AGPS: variants seen among roughly 807,000 people sequenced by gnomAD.
AGPS encodes the protein alkylglycerone phosphate synthase.
AGPS carries 26 observed loss-of-function variants against 90.7 expected under a neutral mutation model. The observed-to-expected ratio is 0.29, with a 90% CI of 0.21 to 0.40. The LOEUF (loss-of-function observed/expected upper bound fraction) is 0.40. AGPS is among the 10% of genes least tolerant of loss of function. AGPS has a pLI of 1.00. For synonymous variants in AGPS, 294 were observed against 285.3 expected (o/e 1.03, Z -0.31); for missense variants, 540 against 816.1 (o/e 0.66, Z 4.12).
chr2:177,530,813 T>C, intron 19 of AGPS, among the ~76,000 whole-genome samples: 1 of 152,330 alleles, frequency 6.6e-6, no homozygotes, highest in South Asian at 2.1e-4. Context: ...TAAAGCCTAC[T>C]TAACTTAATC....
At chr2:177,464,866 C>T (rs1473413865) in intron 9 of AGPS, among the ~76,000 whole-genome samples, 1 of 152,130 alleles carries the variant, frequency 6.6e-6, no homozygotes, top group Non-Finnish European at 1.5e-5. Context: ...AATTCTGGAT[C>T]TTCACAAAAG....
At position 177,393,009 on chromosome 2, in the gene AGPS, A is replaced by C. The variant is rs775541152; in HGVS notation, c.220A>C (p.Thr74Pro). The C allele has an allele frequency of 1.9e-6, 3 of 1,550,102 alleles. No homozygotes were observed. Among genetic ancestry groups the C allele is most frequent in the Non-Finnish European group, 2.6e-6 (3 of 1,146,722 alleles). Residue 74 changes from threonine (T) to proline (P), a missense_variant, in exon 1 of 20, where the codon ACT becomes CCT. Coordinates refer to ENST00000264167, the MANE Select transcript of AGPS (RefSeq NM_003659.4). Reference sequence around the variant, plus strand: ...GGCGGCCACGGCAGCGCCCACGGCCACTCCCGCCGCGCAGGAGTCGGGCAC... The same window carrying C: ...GGCGGCCACGGCAGCGCCCACGGCCCCTCCCGCCGCGCAGGAGTCGGGCAC... Reference protein sequence around the residue: ...ASAATAAPTATPAAQESGTIP... With the variant: ...ASAATAAPTAPPAAQESGTIP...
At chr2:177,422,357 A>G (rs908444663) in intron 2 of AGPS, among the ~76,000 whole-genome samples, 1 of 152,138 alleles carries the variant, frequency 6.6e-6, no homozygotes, top group African/African-American at 2.4e-5. Context: ...GATGGTCTTG[A>G]TAGAGATTTT....
At chr2:177,454,769 G>A (rs549738547) in intron 8 of AGPS, among the ~76,000 whole-genome samples, 16 of 152,150 alleles carry the variant, frequency 1.1e-4, no homozygotes, top group African/African-American at 2.9e-4. Flanking sequence ...ATGATCTTTT[G>A]CTTTTTTCAG....
chr2:177,472,173 T>A (rs1459082301), intron 10 of AGPS, among the ~76,000 whole-genome samples: 1 of 151,938 alleles, frequency 6.6e-6, no homozygotes. Flanking sequence ...ATACGTATGT[T>A]TGACTTTCTT....
intron 9 of AGPS, among the ~76,000 whole-genome samples, chr2:177,462,437 C>G (rs573635840): frequency 5.4e-4 from 82 of 151,322 alleles, no homozygotes; most frequent in African/African-American, 1.9e-3. Flanking sequence ...TGGTAGATTC[C>G]CCCCTCCCAT....
chr2:177,476,271 T>C (rs552940064), intron 10 of AGPS, among the ~76,000 whole-genome samples: 26 of 152,052 alleles, frequency 1.7e-4, no homozygotes, highest in Admixed American at 9.8e-4. Context: ...AAGGTTAGGC[T>C]ATTTGAGATT....
chr2:177,479,167 A>C (rs940063372), intron 10 of AGPS, among the ~76,000 whole-genome samples: 5 of 152,096 alleles, frequency 3.3e-5, no homozygotes, highest in Admixed American at 2.6e-4. Flanking sequence ...GGGGAAGGAA[A>C]TTAGGTTATC....
intron 1 of AGPS, among the ~76,000 whole-genome samples, chr2:177,394,346 TTGTC>T (rs1685108534): frequency 6.6e-6 from 1 of 152,206 alleles, no homozygotes; most frequent in African/African-American, 2.4e-5. Context: ...AAAGTAAAGA[TTGTC>T]TGAGTAAATT....
chr2:177,447,442 G>GA (rs936256849), intron 8 of AGPS, among the ~76,000 whole-genome samples: 75 of 151,966 alleles, frequency 4.9e-4, no homozygotes, highest in African/African-American at 1.7e-3. Context: ...AGTATTTAAT[G>GA]AAAAAACCTC....
chr2:177,487,021 G>A lies in AGPS; in HGVS notation c.1233+4835G>A, dbSNP rs1161165836. On this transcript the variant is annotated intron_variant, in intron 11 of 19. Transcript: ENST00000264167. ...TACATTTCCTGCTGTAGCCTATGAA[G>A]AGGAGGAAAATAATGTTTTTTAATC... Among the ~76,000 whole-genome samples the A allele has an allele frequency of 2.0e-5, 3 of 152,078 alleles. 1 individual carries two copies. In the South Asian group the frequency reaches 6.2e-4, roughly 31 times the overall value.
At chr2:177,518,939 G>A (rs535801179) in intron 17 of AGPS, among the ~76,000 whole-genome samples, 14 of 152,144 alleles carry the variant, frequency 9.2e-5, no homozygotes, top group Admixed American at 9.2e-4. Flanking sequence ...GGCCTAGGGA[G>A]AAAGGTGAGA....
intron 1 of AGPS, among the ~76,000 whole-genome samples, chr2:177,410,916 T>C (rs930105940): frequency 2.0e-5 from 3 of 152,146 alleles, no homozygotes; most frequent in African/African-American, 7.2e-5. Flanking sequence ...ATAAGGGGCA[T>C]GGACGAGGGG....
At chr2:177,413,541 A>G (rs181392337) in intron 1 of AGPS, among the ~76,000 whole-genome samples, 9 of 152,360 alleles carry the variant, frequency 5.9e-5, no homozygotes, top group African/African-American at 9.6e-5. Flanking sequence ...GTTGGTTGCC[A>G]AAATTGCCAT....
intron 17 of AGPS, among the ~76,000 whole-genome samples, chr2:177,517,380 T>C (rs1689049884): frequency 6.6e-6 from 1 of 152,192 alleles, no homozygotes; most frequent in Non-Finnish European, 1.5e-5. Flanking sequence ...TTACTAATTA[T>C]TAATGTAAAC....
At chr2:177,409,005 C>G (rs1218975359) in intron 1 of AGPS, among the ~76,000 whole-genome samples, 14 of 152,114 alleles carry the variant, frequency 9.2e-5, no homozygotes, top group Admixed American at 9.2e-4. Context: ...TTTATACTCC[C>G]AGAAAGTTTG....
Position 177,493,145 on chromosome 2 carries a change from C to T in AGPS, c.1234-3C>T, listed in dbSNP as rs774372584. The T allele has an allele frequency of 3.7e-6, 6 of 1,610,278 alleles. No individual in the cohort carries two copies. Among genetic ancestry groups the T allele is most frequent in the South Asian group, 2.2e-5 (2 of 90,998 alleles). On this transcript the variant is annotated splice_polypyrimidine_tract_variant and splice_region_variant and intron_variant, in intron 11 of 19. Coordinates refer to ENST00000264167, the MANE Select transcript of AGPS (RefSeq NM_003659.4). The stretch of plus-strand genomic sequence containing the variant: ...ATCACTTTTTTTTTTCTTTTTAAAA[C>T]AGAGATGTGCTCCGGCATCTATTCG...
At chr2:177,421,319 A>G (rs1685933626) in intron 2 of AGPS, among the ~76,000 whole-genome samples, 1 of 152,060 alleles carries the variant, frequency 6.6e-6, no homozygotes, top group Non-Finnish European at 1.5e-5. Context: ...TCTATTGGAC[A>G]TTACTATACT....
chr2:177,488,126 G>A (rs539840778), intron 11 of AGPS, among the ~76,000 whole-genome samples: 1 of 151,938 alleles, frequency 6.6e-6, no homozygotes, highest in Admixed American at 6.6e-5. Context: ...TGACTTATTA[G>A]TTAGAAGAAG....
Sources: allele counts gnomAD v4.1 joint callset (sites outside exome capture counted in the v4.1 genomes callset), GRCh38; gene constraint gnomAD v4.1.1; transcripts MANE v1.5; gene names NCBI Gene and HGNC (gene_info 2026-07-23, HGNC 2026-07-21).